The following OSBPL10 variants were observed in gnomAD, a reference collection of about 807,000 sequenced individuals.
OSBPL10 encodes the protein oxysterol-binding protein-related protein 10.
A neutral mutation model predicts 81.7 loss-of-function variants in OSBPL10; 49 were observed. The ratio of observed to expected loss-of-function variants is 0.60; its 90% CI spans 0.48 to 0.76. The LOEUF is 0.76. Among genes scored for constraint, OSBPL10 ranks in the 30% least tolerant of loss-of-function variants. The pLI is 0.00. For missense variants in OSBPL10, 923 were observed against 987.8 expected, an observed-to-expected ratio of 0.93 and a Z score of 0.88; for synonymous variants, 419 against 383.6, an observed-to-expected ratio of 1.09 and a Z score of -1.08.
At chr3:32,018,176 A>C (rs1358604922) in intron 2 of OSBPL10, among the ~76,000 whole-genome samples, 1 of 151,240 alleles carries the variant, frequency 6.6e-6, no homozygotes, top group African/African-American at 2.4e-5. Flanking sequence ...ATAAATAAAT[A>C]AATAAATAAA....
At chr3:31,864,647 G>A (rs938905552) in intron 3 of OSBPL10, among the ~76,000 whole-genome samples, 9 of 152,128 alleles carry the variant, frequency 5.9e-5, no homozygotes, top group African/African-American at 2.2e-4. Context: ...AAGGAAGCAT[G>A]GAGGTGTGCA....
At chr3:31,685,195 A>C (rs1192119773) in intron 7 of OSBPL10, among the ~76,000 whole-genome samples, 2 of 152,106 alleles carry the variant, frequency 1.3e-5, no homozygotes, top group Non-Finnish European at 2.9e-5. Flanking sequence ...ACTTGAAACA[A>C]ATATCGGGTA....
intron 4 of OSBPL10, among the ~76,000 whole-genome samples, chr3:31,827,344 T>C (rs938838059): frequency 2.0e-5 from 3 of 152,152 alleles, no homozygotes; most frequent in African/African-American, 7.2e-5. Flanking sequence ...TTACAAAATT[T>C]AGATCGCTCT....
At chr3:31,807,693 G>A (rs1699557874) in intron 4 of OSBPL10, among the ~76,000 whole-genome samples, 1 of 152,098 alleles carries the variant, frequency 6.6e-6, no homozygotes, top group South Asian at 2.1e-4. Flanking sequence ...AGCTATGATT[G>A]GGCCACGGCA....
intron 3 of OSBPL10, among the ~76,000 whole-genome samples, chr3:31,843,509 C>A (rs554179669): frequency 6.6e-6 from 1 of 152,220 alleles, no homozygotes; most frequent in African/African-American, 2.4e-5. Flanking sequence ...AGCCTTCATC[C>A]CTGAGGCTCT....
rs186545403 is a variant in OSBPL10, at chr3:31,680,869, C to T, written c.1726+2765G>A. 2.5e-3 allele frequency among the ~76,000 whole-genome samples: 384 copies of T among 152,286 alleles called. 2 individuals carry two copies. Among genetic ancestry groups the T allele is most frequent in the Admixed American group, 4.0e-3 (61 of 15,302 alleles). On this transcript the variant is annotated intron_variant, in intron 8 of 11. Transcript: ENST00000396556. ...TAAGAAGAGAGACCACTTCAGGCAT[C>T]CATCTCCCCTTGTCAACAGCAGGAA... is the stretch of plus-strand genomic sequence containing the variant.
At chr3:31,964,345 C>G (rs1417804199) in intron 1 of OSBPL10, among the ~76,000 whole-genome samples, 1 of 152,136 alleles carries the variant, frequency 6.6e-6, no homozygotes, top group Admixed American at 6.5e-5. Context: ...ATGGTACAGA[C>G]AGGGTTTAGC....
chr3:31,812,617 G>C (rs1189494137), intron 4 of OSBPL10, among the ~76,000 whole-genome samples: 1 of 151,512 alleles, frequency 6.6e-6, no homozygotes, highest in Non-Finnish European at 1.5e-5. Context: ...TGATTTTTCT[G>C]TCAGTGAGAA....
chr3:31,771,931 A>T (rs1698391185), intron 4 of OSBPL10, among the ~76,000 whole-genome samples: 2 of 152,208 alleles, frequency 1.3e-5, no homozygotes, highest in Admixed American at 6.5e-5. Context: ...GTCCGGGAAC[A>T]CTATGTCATT....
chr3:31,721,156 C>T (rs948849731), intron 6 of OSBPL10, among the ~76,000 whole-genome samples: 2 of 152,042 alleles, frequency 1.3e-5, no homozygotes, highest in Non-Finnish European at 2.9e-5. Flanking sequence ...GCAATGGGCC[C>T]AAGCCAAGGA....
chr3:31,679,024 A>T (rs1008195558), intron 8 of OSBPL10, among the ~76,000 whole-genome samples: 123 of 151,912 alleles, frequency 8.1e-4, no homozygotes, highest in African/African-American at 1.8e-3. Flanking sequence ...CAGATCCCAA[A>T]ATGTGGCCTC....
At chr3:31,969,942 C>T (rs996240035) in intron 1 of OSBPL10, among the ~76,000 whole-genome samples, 10 of 151,316 alleles carry the variant, frequency 6.6e-5, no homozygotes, top group South Asian at 6.3e-4. Context: ...GTGGGGGGCG[C>T]GGGGCAGGAA....
chr3:31,767,822 T>A (rs958287148), intron 4 of OSBPL10, among the ~76,000 whole-genome samples: 1 of 152,162 alleles, frequency 6.6e-6, no homozygotes, highest in African/African-American at 2.4e-5. Context: ...ATTGTGTCAG[T>A]AGTCGGGGCT....
chr3:32,053,518 G>C (rs1158272512), intron 1 of OSBPL10, among the ~76,000 whole-genome samples: 1 of 152,152 alleles, frequency 6.6e-6, no homozygotes, highest in Non-Finnish European at 1.5e-5. Context: ...AATTGTAAAG[G>C]GTTATCAAAG....
intron 5 of OSBPL10, among the ~76,000 whole-genome samples, chr3:31,739,539 AGT>A (rs1465937076): frequency 2.0e-5 from 3 of 152,232 alleles, no homozygotes; most frequent in African/African-American, 7.2e-5. Context: ...CAATTGGATT[AGT>A]GTCTCTGATA....
At position 31,846,664 on chromosome 3, in the gene OSBPL10, A is replaced by C. The variant is rs565533997; in HGVS notation, c.538-16433T>G. 8.5e-5 allele frequency among the ~76,000 whole-genome samples: 11 copies of C among 128,926 alleles called. No individual in the cohort carries two copies. In the South Asian group the frequency reaches 1.4e-3, roughly 16 times the overall value. The allele number at this position is 128,926 out of a possible 152,430, so 84.6% of individuals were successfully genotyped here. A position where few individuals can be genotyped will look rare whatever the true frequency, so the allele number is the denominator to read the frequency against. ...TAAATAAATAAATAAATAAATAAAT[A>C]AATCCTATTGGGAACAATTAATCTA... is the stretch of plus-strand genomic sequence containing the variant. On this transcript the variant is annotated intron_variant, in intron 3 of 11. Coordinates refer to ENST00000396556, the MANE Select transcript of OSBPL10 (RefSeq NM_017784.5).
intron 2 of OSBPL10, among the ~76,000 whole-genome samples, chr3:32,010,611 G>C (rs1379570290): frequency 6.6e-6 from 1 of 152,208 alleles, no homozygotes; most frequent in Non-Finnish European, 1.5e-5. Flanking sequence ...AGTGGGTGCA[G>C]CGCACTGAGC....
At chr3:31,705,130 T>C (rs1180733846) in intron 6 of OSBPL10, among the ~76,000 whole-genome samples, 2 of 152,174 alleles carry the variant, frequency 1.3e-5, no homozygotes, top group Non-Finnish European at 2.9e-5. Flanking sequence ...TGCCCCTTGG[T>C]GGCACAAATC....
At chr3:31,836,771 T>C (rs1362842544) in intron 3 of OSBPL10, among the ~76,000 whole-genome samples, 1 of 151,792 alleles carries the variant, frequency 6.6e-6, no homozygotes, top group African/African-American at 2.4e-5. Flanking sequence ...CTTCTCCACT[T>C]TGCATCCTCC....
Sources: allele counts gnomAD v4.1 joint callset (sites outside exome capture counted in the v4.1 genomes callset), GRCh38; gene constraint gnomAD v4.1.1; transcripts MANE v1.5; gene names NCBI Gene and HGNC (gene_info 2026-07-23, HGNC 2026-07-21).